SPTA1: variants seen among roughly 807,000 people sequenced by gnomAD.
SPTA1 encodes spectrin alpha, erythrocytic 1, also known as spectrin alpha chain, erythrocytic 1.
SPTA1 carries 177 observed loss-of-function variants against 324.7 expected under a neutral mutation model. The observed-to-expected ratio is 0.55, with a 90% confidence interval of 0.48 to 0.62. The LOEUF (loss-of-function observed/expected upper bound fraction) is 0.62. SPTA1 is among the 20% of genes least tolerant of loss of function. The pLI is 0.00. For missense variants in SPTA1, 3,162 were observed against 2,883.6 expected (o/e 1.10, Z -2.21); for synonymous variants, 1,195 against 1,041.3 (o/e 1.15, Z -2.84).
chr1:158,678,589 A>G (rs1330595316), intron 5 of SPTA1, 55 bp from the exon 6 acceptor site: 6 of 1,589,058 alleles, frequency 3.8e-6, no homozygotes, highest in Admixed American at 1.7e-5. Context: ...TATTTAAAAA[A>G]TTATTCAAAC....
intron 30 of SPTA1, among the ~76,000 whole-genome samples, chr1:158,643,821 C>G (rs927372077): frequency 2.0e-5 from 3 of 152,058 alleles, no homozygotes; most frequent in Non-Finnish European, 2.9e-5. Flanking sequence ...CCCTGCCTGC[C>G]TCAGTTTTTC....
At chr1:158,661,200 T>A (rs753405689) in intron 18 of SPTA1, 87 bp downstream of exon 18, 2 of 1,598,962 alleles carry the variant, frequency 1.3e-6, no homozygotes, top group Non-Finnish European at 1.7e-6. Context: ...ATTTTTAAAT[T>A]CCCTTGAAAC....
intron 8 of SPTA1, among the ~76,000 whole-genome samples, chr1:158,675,386 T>C (rs1197231066): frequency 2.0e-5 from 3 of 152,242 alleles, no homozygotes; most frequent in Admixed American, 2.0e-4. Flanking sequence ...TCAGTTGCTT[T>C]TCCAGCTTTT....
chr1:158,652,373 A>C (rs1652506706), intron 23 of SPTA1, 94 bp downstream of exon 23: 1 of 1,392,108 alleles, frequency 7.2e-7, no homozygotes, highest in Non-Finnish European at 1.0e-6. Flanking sequence ...GAGAATATTT[A>C]ACAAGTGTGA....
chr1:158,654,115 A>G (rs1357210652), intron 21 of SPTA1, among the ~76,000 whole-genome samples: 1 of 152,182 alleles, frequency 6.6e-6, no homozygotes, highest in African/African-American at 2.4e-5. Flanking sequence ...AAATTACTTC[A>G]GTTTTTATGA....
intron 39 of SPTA1, among the ~76,000 whole-genome samples, chr1:158,630,760 A>G (rs1650619918): frequency 6.6e-6 from 1 of 152,108 alleles, no homozygotes; most frequent in African/African-American, 2.4e-5. Flanking sequence ...GTTAATCTCT[A>G]AAATATATAA....
At chr1:158,651,523 C>T in intron 23 of SPTA1, 55 bp from the exon 24 acceptor site, 1 of 1,208,450 alleles carries the variant, frequency 8.3e-7, no homozygotes, top group Non-Finnish European at 1.2e-6. Context: ...CAGTGTAAAT[C>T]CCCTCATCAA....
chr1:158,648,703 G>T lies in SPTA1; in HGVS notation c.3570-50C>A, dbSNP rs1190487080. On this transcript the variant is annotated intron_variant, in intron 25 of 51. Coordinates refer to ENST00000643759, the MANE Select transcript of SPTA1 (RefSeq NM_003126.4). ...TCAAAAGTAAGGATATGTACCAGAG[G>T]CAGGCTAGTGGGGGTCACAAGAAAG... 3 of 1,604,700 alleles carry T rather than the reference G, an allele frequency of 1.9e-6. No individual in the cohort carries two copies. In the African/African-American group the frequency reaches 4.0e-5, roughly 21 times the overall value.
In SPTA1 at chr1:158,645,547, T is replaced by C; in HGVS notation, c.3944A>G (p.Gln1315Arg). The change falls in exon 28 of 52, where the codon CAG becomes CGG. Residue 1315 changes from glutamine (Q) to arginine (R), a missense_variant. By Grantham distance (43) the Gln-to-Arg change is conservative. Coordinates refer to ENST00000643759, the MANE Select transcript of SPTA1 (RefSeq NM_003126.4). The part of the protein sequence containing the change: ...ISSIGGMVSS[Q>R]ELAEDLTGIE... ...GCCAGTTAAGTCTTCGGCCAGCTCC[T>C]GTGATGATACCATGCCACCAATGCT... 1 of 1,614,060 alleles carries C rather than the reference T, an allele frequency of 6.2e-7. No homozygotes were observed. The highest frequency in any genetic ancestry group is 8.5e-7 in the Non-Finnish European group (1 of 1,179,936).
At chr1:158,632,759 CT>C (rs34990595) in intron 39 of SPTA1, among the ~76,000 whole-genome samples, 2,655 of 138,166 alleles carry the variant, frequency 0.019, 59 homozygotes, top group African/African-American at 0.054. Flanking sequence ...AGGAATTTGG[CT>C]TTTTTTTTTT....
chr1:158,653,237 C>G, intron 22 of SPTA1, 37 bp downstream of exon 22: 1 of 1,613,906 alleles, frequency 6.2e-7, no homozygotes, highest in Non-Finnish European at 8.5e-7. Flanking sequence ...AAATGTCTGA[C>G]CAAATACTGT....
intron 48 of SPTA1, 25 bp from the exon 49 acceptor site, chr1:158,614,331 A>AT (rs1649433134): frequency 2.0e-6 from 3 of 1,505,250 alleles, no homozygotes; most frequent in Non-Finnish European, 2.8e-6. Flanking sequence ...AAAAACATGA[A>AT]TTTTCCCTGT....
intron 18 of SPTA1, among the ~76,000 whole-genome samples, chr1:158,659,592 A>ATT (rs1266984762): frequency 1.1e-5 from 1 of 92,758 alleles, no homozygotes; most frequent in South Asian, 5.4e-4. Context: ...TAGTCTTAGC[A>ATT]TTATTTTTTT....
intron 18 of SPTA1, among the ~76,000 whole-genome samples, 167 bp from the exon 19 acceptor site, chr1:158,657,861 G>C (rs1371560256): frequency 1.3e-5 from 2 of 152,202 alleles, no homozygotes; most frequent in African/African-American, 4.8e-5. Flanking sequence ...TCCTAAGTGA[G>C]ATTAAGTAAC....
intron 12 of SPTA1, among the ~76,000 whole-genome samples, chr1:158,670,085 C>T (rs1653903782): frequency 1.3e-5 from 2 of 152,226 alleles, no homozygotes; most frequent in Admixed American, 1.3e-4. Flanking sequence ...GGAAGCACTA[C>T]CAATGATATA....
chr1:158,669,291 G>C, intron 14 of SPTA1, 117 bp downstream of exon 14: 1 of 1,374,808 alleles, frequency 7.3e-7, no homozygotes, highest in South Asian at 1.2e-5. Flanking sequence ...CCTCTGTTTT[G>C]TCATCTATAA....
chr1:158,672,068 A>G lies in SPTA1; in HGVS notation c.1479T>C (p.Ser493=), dbSNP rs762472500. Reference sequence around the variant, plus strand: ...GGACCCCTCCCGTTACCTCTTGTCTACTCATCCAACTGTCCACTTGCTCAC... The same window carrying G: ...GGACCCCTCCCGTTACCTCTTGTCTGCTCATCCAACTGTCCACTTGCTCAC... ...RDSEQVDSWM[S]RQEAFLENED... The change falls in exon 11 of 52, where the codon AGT becomes AGC. Residue 493 remains serine, a synonymous_variant. Transcript: ENST00000643759. 11 of 1,613,746 alleles carry G rather than the reference A, an allele frequency of 6.8e-6. No individual in the cohort carries two copies. In the Admixed American group the frequency reaches 8.3e-5, roughly 12 times the overall value.
chr1:158,635,492 AG>A (rs1269444339), intron 38 of SPTA1, among the ~76,000 whole-genome samples: 1 of 152,180 alleles, frequency 6.6e-6, no homozygotes, highest in Non-Finnish European at 1.5e-5. Context: ...TATCAATGTG[AG>A]AACGGACTGA....
At chr1:158,629,357 C>T (rs1188792429) in intron 39 of SPTA1, among the ~76,000 whole-genome samples, 2 of 151,582 alleles carry the variant, frequency 1.3e-5, no homozygotes, top group East Asian at 1.9e-4. Context: ...AGAATTTATC[C>T]CTGGGATGCA....
Sources: gnomAD v4.1 joint callset for allele counts (sites outside exome capture counted in the v4.1 genomes callset) on GRCh38, gnomAD v4.1.1 for gene constraint, MANE v1.5 for transcripts, NCBI Gene and HGNC (gene_info 2026-07-23, HGNC 2026-07-21) for gene names.